Variants in MSRA observed in about 807,000 individuals in gnomAD.
MSRA encodes the protein methionine sulfoxide reductase A.
In MSRA, 54 loss-of-function variants were observed where a neutral mutation model predicts 31.3. The observed-to-expected ratio is 1.73, with a 90% CI of 1.39 to 2.17. The LOEUF (loss-of-function observed/expected upper bound fraction) is 2.17. Ranked by LOEUF, MSRA falls within the 30% of genes most tolerant of loss-of-function variation. MSRA has a pLI of 0.00. For missense variants in MSRA, 507 were observed against 300.9 expected, an observed-to-expected ratio of 1.69 and a Z score of -5.07; for synonymous variants, 169 against 116.5, an observed-to-expected ratio of 1.45 and a Z score of -2.90.
chr8:10,378,639 C>A (rs1233505528), intron 5 of MSRA, among the ~76,000 whole-genome samples: 1 of 152,312 alleles, frequency 6.6e-6, no homozygotes, highest in East Asian at 1.9e-4. Context: ...GCTCCGCGTC[C>A]CTTCTTCACA....
At chr8:10,156,968 G>T (rs1027362961) in intron 1 of MSRA, among the ~76,000 whole-genome samples, 2 of 151,634 alleles carry the variant, frequency 1.3e-5, no homozygotes, top group African/African-American at 2.4e-5. Flanking sequence ...GCACTGTGCT[G>T]TGCTTTTATT....
At chr8:10,066,229 C>G (rs945172473) in intron 1 of MSRA, among the ~76,000 whole-genome samples, 7 of 152,070 alleles carry the variant, frequency 4.6e-5, no homozygotes, top group Admixed American at 2.0e-4. Flanking sequence ...TCAGGAGATC[C>G]ACCTGCCTTG....
chr8:10,407,014 G>A (rs1807859889), intron 5 of MSRA, among the ~76,000 whole-genome samples: 1 of 152,154 alleles, frequency 6.6e-6, no homozygotes, highest in Non-Finnish European at 1.5e-5. Flanking sequence ...AATAGCTGAG[G>A]CCACAGGTGT....
At chr8:10,315,257 A>G (rs957349442) in intron 4 of MSRA, among the ~76,000 whole-genome samples, 28 of 152,298 alleles carry the variant, frequency 1.8e-4, no homozygotes, top group African/African-American at 6.5e-4. Flanking sequence ...CAGTCAAACC[A>G]TATCACAGGC....
At chr8:10,073,243 G>C (rs371906992) in intron 1 of MSRA, among the ~76,000 whole-genome samples, 1 of 152,180 alleles carries the variant, frequency 6.6e-6, no homozygotes, top group Non-Finnish European at 1.5e-5. Context: ...TATGATGTCA[G>C]CTGTAGGCTT....
chr8:10,359,579 G>T (rs944046775), intron 5 of MSRA, among the ~76,000 whole-genome samples: 1 of 151,768 alleles, frequency 6.6e-6, no homozygotes, highest in Non-Finnish European at 1.5e-5. Flanking sequence ...CCTCCTCTTC[G>T]TTTTCTTTCT....
At chr8:10,324,152 C>T (rs1802225259) in intron 5 of MSRA, among the ~76,000 whole-genome samples, 1 of 152,186 alleles carries the variant, frequency 6.6e-6, no homozygotes, top group South Asian at 2.1e-4. Flanking sequence ...GGCCTCTGGC[C>T]ACATGTGGCT....
chr8:10,366,432 A>G (rs527473295), intron 5 of MSRA, among the ~76,000 whole-genome samples: 5 of 152,210 alleles, frequency 3.3e-5, no homozygotes, highest in Non-Finnish European at 7.3e-5. Context: ...GCTCTCTGGA[A>G]TTTTCTTTGA....
At chr8:10,142,311 TAGGTAATAGGA>T (rs1228207841) in intron 1 of MSRA, among the ~76,000 whole-genome samples, 72 of 152,136 alleles carry the variant, frequency 4.7e-4, no homozygotes, top group African/African-American at 1.6e-3. Flanking sequence ...GCCAACGAGG[TAGGTAATAGGA>T]TTCCCATTTT....
intron 2 of MSRA, among the ~76,000 whole-genome samples, chr8:10,233,901 A>G (rs993548152): frequency 6.6e-6 from 1 of 152,208 alleles, no homozygotes; most frequent in African/African-American, 2.4e-5. Flanking sequence ...CAGAATATTA[A>G]GAATAATGAA....
chr8:10,401,584 A>G (rs1385194186), intron 5 of MSRA, among the ~76,000 whole-genome samples: 2 of 152,212 alleles, frequency 1.3e-5, no homozygotes, highest in African/African-American at 4.8e-5. Context: ...CGGAATTGAA[A>G]GCAGGGATTC....
At position 10,188,054 on chromosome 8, in the gene MSRA, T is replaced by TA. The variant is rs564490357; in HGVS notation, c.143-19771dup. Among the ~76,000 whole-genome samples, 13 of 152,134 alleles carry TA rather than the reference T, an allele frequency of 8.5e-5. No homozygotes were observed. In the East Asian group the frequency reaches 1.2e-3, roughly 14 times the overall value. On this transcript the variant is annotated intron_variant, in intron 1 of 5. Coordinates refer to ENST00000317173, the MANE Select transcript of MSRA (RefSeq NM_012331.5). Reference sequence around the variant, plus strand: ...ACATGTTGAGGATTTCTCACAAGATTAAAAAAAATACTTCTTTTGAAATAG... The same window carrying TA: ...ACATGTTGAGGATTTCTCACAAGATTAAAAAAAAATACTTCTTTTGAAATAG...
At chr8:10,184,276 A>C (rs575825380) in intron 1 of MSRA, among the ~76,000 whole-genome samples, 16 of 151,860 alleles carry the variant, frequency 1.1e-4, no homozygotes, top group East Asian at 1.9e-4. Context: ...CAGTTCCCTC[A>C]CTGCTCTCTT....
At chr8:10,140,964 G>A (rs1802653205) in intron 1 of MSRA, among the ~76,000 whole-genome samples, 1 of 152,156 alleles carries the variant, frequency 6.6e-6, no homozygotes, top group South Asian at 2.1e-4. Flanking sequence ...TACACCTAAA[G>A]ATGAATATAT....
chr8:10,110,427 T>G lies in MSRA; in HGVS notation c.142+55769T>G, dbSNP rs528371739. 2.3e-4 allele frequency among the ~76,000 whole-genome samples: 35 copies of G among 152,310 alleles called. No individual in the cohort carries two copies. The South Asian group carries it at 5.6e-3, about 24-fold the overall frequency. ...ATGGTTGTCAGGGGCCAAAGGAGACTCCACTGAGTCAGCCTCACTGCTGGC... is the reference window on the plus strand; with the variant it reads ...ATGGTTGTCAGGGGCCAAAGGAGACGCCACTGAGTCAGCCTCACTGCTGGC... On this transcript the variant is annotated intron_variant, in intron 1 of 5. Transcript: ENST00000317173.
At chr8:10,179,982 T>A (rs1035095935) in intron 1 of MSRA, among the ~76,000 whole-genome samples, 2 of 152,204 alleles carry the variant, frequency 1.3e-5, no homozygotes, top group African/African-American at 4.8e-5. Context: ...CAAGCCATTC[T>A]CCAGTTCTCT....
At chr8:10,222,589 A>G (rs932224370) in intron 2 of MSRA, among the ~76,000 whole-genome samples, 4 of 152,208 alleles carry the variant, frequency 2.6e-5, no homozygotes, top group African/African-American at 9.6e-5. Context: ...ACAAGATACA[A>G]TGTCCATCAG....
intron 4 of MSRA, among the ~76,000 whole-genome samples, chr8:10,305,476 T>C (rs10903324): frequency 0.98 from 146,528 of 149,806 alleles, 71,749 homozygotes; most frequent in East Asian, 1. Flanking sequence ...TACCGTGGTG[T>C]GATCTTGGCT....
At chr8:10,344,134 A>G (rs1317952198) in intron 5 of MSRA, among the ~76,000 whole-genome samples, 2 of 152,214 alleles carry the variant, frequency 1.3e-5, no homozygotes, top group East Asian at 3.8e-4. Context: ...CACCCAAAAG[A>G]TACTGGCTTT....
Sources: gnomAD v4.1 joint callset for allele counts (sites outside exome capture counted in the v4.1 genomes callset) on GRCh38, gnomAD v4.1.1 for gene constraint, MANE v1.5 for transcripts, NCBI Gene and HGNC (gene_info 2026-07-23, HGNC 2026-07-21) for gene names.